DAGLA: variants seen among roughly 807,000 people sequenced by gnomAD.
DAGLA encodes diacylglycerol lipase-alpha.
DAGLA carries 22 observed loss-of-function variants against 102.6 expected under a neutral mutation model. The observed-to-expected ratio is 0.21, with a 90% CI of 0.15 to 0.31. The LOEUF is 0.31. Among genes scored for constraint, DAGLA ranks in the 10% least tolerant of loss-of-function variants. The pLI is 1.00. For synonymous variants in DAGLA, 578 were observed against 628.9 expected (o/e 0.92, Z 1.21); for missense variants, 927 against 1,446.6 (o/e 0.64, Z 5.83).
intron 1 of DAGLA, among the ~76,000 whole-genome samples, chr11:61,717,346 T>C (rs2065243561): frequency 6.6e-6 from 1 of 151,884 alleles, no homozygotes; most frequent in Admixed American, 6.5e-5. Flanking sequence ...CCCCAACCCT[T>C]ATGCAGCACA....
At chr11:61,720,536 A>G in intron 2 of DAGLA, 143 bp from the exon 3 acceptor site, 1 of 784,114 alleles carries the variant, frequency 1.3e-6, no homozygotes, top group Non-Finnish European at 2.1e-6. Flanking sequence ...ATTCGATGCC[A>G]GGTGGACAAT....
intron 8 of DAGLA, among the ~76,000 whole-genome samples, chr11:61,729,572 G>A (rs2065357911): frequency 6.6e-6 from 1 of 152,150 alleles, no homozygotes; most frequent in Non-Finnish European, 1.5e-5. Context: ...GCAAATGGCT[G>A]GAGCGTGCAT....
chr11:61,697,561 G>T (rs1329374200), intron 1 of DAGLA, among the ~76,000 whole-genome samples: 1 of 152,184 alleles, frequency 6.6e-6, no homozygotes, highest in Non-Finnish European at 1.5e-5. Context: ...TGCTGACCTC[G>T]ATGTGGCCTG....
chr11:61,717,793 C>A (rs142409178), intron 1 of DAGLA, among the ~76,000 whole-genome samples: 2 of 152,294 alleles, frequency 1.3e-5, no homozygotes, highest in African/African-American at 4.8e-5. Flanking sequence ...CTGCTGTTGA[C>A]CATGGCAATT....
In DAGLA at chr11:61,742,802, C is replaced by G. The variant is rs150310842; in HGVS notation, c.2172-730C>G. 2.0e-3 allele frequency among the ~76,000 whole-genome samples: 296 copies of G among 149,882 alleles called. 1 individual carries two copies. The highest frequency in any genetic ancestry group is 6.6e-3 in the African/African-American group (270 of 40,738). On this transcript the variant is annotated intron_variant, in intron 19 of 19. Transcript: ENST00000257215. ...TCCCTCCCTTCCTCCTTCCCTCCCT[C>G]CCTCCTTCCCTCCCTCTGTCTCTCT...
At chr11:61,701,942 A>T (rs1000573933) in intron 1 of DAGLA, among the ~76,000 whole-genome samples, 15 of 146,992 alleles carry the variant, frequency 1.0e-4, no homozygotes, top group Admixed American at 6.1e-4. Context: ...GCCCAGATAA[A>T]TTTTTTTTTT....
At chr11:61,733,272 G>A (rs747426278) in intron 9 of DAGLA, among the ~76,000 whole-genome samples, 17 of 152,206 alleles carry the variant, frequency 1.1e-4, no homozygotes, top group African/African-American at 1.9e-4. Context: ...CTCATGCTCA[G>A]CTGAGGTTGG....
At position 61,743,808 on chromosome 11, in the gene DAGLA, T is replaced by C; in HGVS notation, c.2448T>C (p.Asp816=). The change falls in exon 20 of 20, where the codon GAT becomes GAC. Residue 816 remains aspartate (D), a synonymous_variant. Coordinates refer to ENST00000257215, the MANE Select transcript of DAGLA (RefSeq NM_006133.3). ...GCCTCCACGCTGTGCTGGAGCGTGA[T>C]GAAGGCCACCTCTTCTACATTGACC... ...SPSLHAVLER[D]EGHLFYIDPA... 2 of 1,612,536 alleles carry C rather than the reference T, an allele frequency of 1.2e-6. No homozygotes were observed. Among genetic ancestry groups the C allele is most frequent in the Non-Finnish European group, 1.7e-6 (2 of 1,179,924 alleles).
chr11:61,744,582 G>A lies in DAGLA; in HGVS notation c.*93G>A, dbSNP rs141895020. ...CCCCTGCCGGGCAGCTTTAAGGACAGACCCCCAGGGGCAGTTTAGCCTCAG... is the reference window on the plus strand; with the variant it reads ...CCCCTGCCGGGCAGCTTTAAGGACAAACCCCCAGGGGCAGTTTAGCCTCAG... On this transcript the variant is annotated 3_prime_UTR_variant, in exon 20 of 20. Transcript: ENST00000257215. 2 of 1,108,118 alleles carry A rather than the reference G, an allele frequency of 1.8e-6. No individual in the cohort carries two copies. Among genetic ancestry groups the A allele is most frequent in the Non-Finnish European group, 2.6e-6 (2 of 781,428 alleles). The allele number at this position is 1,108,118 out of a possible 1,614,324, so 68.6% of individuals were successfully genotyped here. A position where few individuals can be genotyped will look rare whatever the true frequency, so the allele number is the denominator to read the frequency against.
At chr11:61,722,127 T>G (rs2065289676) in intron 3 of DAGLA, among the ~76,000 whole-genome samples, 1 of 152,234 alleles carries the variant, frequency 6.6e-6, no homozygotes, top group Non-Finnish European at 1.5e-5. Context: ...GGGAAATAGT[T>G]TCCATGAAGT....
intron 6 of DAGLA, 74 bp from the exon 7 acceptor site, chr11:61,728,079 G>A: frequency 1.3e-6 from 2 of 1,563,130 alleles, no homozygotes; most frequent in African/African-American, 1.3e-5. Context: ...CCCAGCCCTG[G>A]GGGATTTACT....
intron 8 of DAGLA, among the ~76,000 whole-genome samples, chr11:61,729,989 C>G (rs961850291): frequency 6.6e-5 from 10 of 151,634 alleles, no homozygotes; most frequent in Non-Finnish European, 1.0e-4. Context: ...AGGAGGATTG[C>G]TTGAGCCCAG....
intron 1 of DAGLA, among the ~76,000 whole-genome samples, chr11:61,719,410 C>T (rs1313089936): frequency 3.3e-5 from 5 of 152,200 alleles, no homozygotes; most frequent in Non-Finnish European, 7.3e-5. Flanking sequence ...GCACCTCAAC[C>T]GTGCTCTTCC....
chr11:61,718,041 G>A (rs890705248), intron 1 of DAGLA, among the ~76,000 whole-genome samples: 4 of 152,128 alleles, frequency 2.6e-5, no homozygotes, highest in African/African-American at 9.7e-5. Context: ...AGCTATCCTG[G>A]GTTCCATGGG....
At chr11:61,730,078 C>A (rs969047724) in intron 8 of DAGLA, among the ~76,000 whole-genome samples, 24 of 151,270 alleles carry the variant, frequency 1.6e-4, no homozygotes, top group South Asian at 4.2e-4. Context: ...AAAAAAAAAA[C>A]CAACACTCAG....
chr11:61,709,295 A>G (rs1273284844), intron 1 of DAGLA, among the ~76,000 whole-genome samples: 1 of 152,156 alleles, frequency 6.6e-6, no homozygotes, highest in Non-Finnish European at 1.5e-5. Context: ...GGCTGGCTGG[A>G]GTGCAATGTC....
At chr11:61,742,357 A>G (rs1455504919) in intron 19 of DAGLA, among the ~76,000 whole-genome samples, 1 of 152,140 alleles carries the variant, frequency 6.6e-6, no homozygotes, top group Non-Finnish European at 1.5e-5. Flanking sequence ...GGACCTTCCC[A>G]CACAGGCCCT....
chr11:61,687,319 C>T (rs2064993406), intron 1 of DAGLA, among the ~76,000 whole-genome samples: 1 of 152,084 alleles, frequency 6.6e-6, no homozygotes, highest in Non-Finnish European at 1.5e-5. Context: ...ATTCTCCATG[C>T]TCCACTGACT....
At chr11:61,730,770 G>A (rs1470719302) in intron 8 of DAGLA, among the ~76,000 whole-genome samples, 1 of 152,210 alleles carries the variant, frequency 6.6e-6, no homozygotes, top group Non-Finnish European at 1.5e-5. Context: ...GGAGCCTGCA[G>A]CTGGCTGAGT....
Sources: gnomAD v4.1 joint callset for allele counts (sites outside exome capture counted in the v4.1 genomes callset) on GRCh38, gnomAD v4.1.1 for gene constraint, MANE v1.5 for transcripts, NCBI Gene and HGNC (gene_info 2026-07-23, HGNC 2026-07-21) for gene names.